GPC5: variants seen among roughly 807,000 people sequenced by gnomAD.
GPC5 encodes glypican 5.
In GPC5, 47 loss-of-function variants were observed where a neutral mutation model predicts 53.9. The ratio of observed to expected loss-of-function variants is 0.87; its 90% CI spans 0.69 to 1.11. The LOEUF (loss-of-function observed/expected upper bound fraction) is 1.11, where lower values mean the gene tolerates loss of function less well. GPC5 is among the 50% of genes most tolerant of loss of function. The probability of loss-of-function intolerance (pLI) is 0.00; values close to 1 mark genes in which losing one functional copy is unlikely to be tolerated. For synonymous variants in GPC5, 286 were observed against 263.3 expected, an observed-to-expected ratio of 1.09 and a Z score of -0.84; for missense variants, 748 against 713.1, an observed-to-expected ratio of 1.05 and a Z score of -0.56.
chr13:92,313,684 C>T (rs775809200), intron 7 of GPC5, among the ~76,000 whole-genome samples: 1 of 152,154 alleles, frequency 6.6e-6, no homozygotes, highest in Non-Finnish European at 1.5e-5. Flanking sequence ...AGCCTCCCAA[C>T]CAAAATCCCT....
intron 2 of GPC5, among the ~76,000 whole-genome samples, chr13:91,635,396 A>G (rs996990543): frequency 2.6e-5 from 4 of 152,066 alleles, no homozygotes; most frequent in African/African-American, 9.7e-5. Context: ...TCCTAGAGGT[A>G]TTTTTCAAAT....
intron 2 of GPC5, among the ~76,000 whole-genome samples, chr13:91,648,612 T>C (rs1037503772): frequency 1.3e-5 from 2 of 152,134 alleles, no homozygotes; most frequent in South Asian, 2.1e-4. Context: ...AATTAGTAAA[T>C]TTTCTATAAC....
chr13:92,553,008 T>C lies in GPC5; in HGVS notation c.1562-313274T>C, dbSNP rs531319403. 1.3e-3 allele frequency among the ~76,000 whole-genome samples: 193 copies of C among 152,096 alleles called. 1 individual carries two copies. The highest frequency in any genetic ancestry group is 4.5e-3 in the African/African-American group (188 of 41,544). On this transcript the variant is annotated intron_variant, in intron 7 of 7. Coordinates refer to ENST00000377067, the MANE Select transcript of GPC5 (RefSeq NM_004466.6). Reference sequence around the variant, plus strand: ...GACTGTTTTGATTAGACCAAATAGATACTTCCAGTCTATTTTATTCTTCTG... The same window carrying C: ...GACTGTTTTGATTAGACCAAATAGACACTTCCAGTCTATTTTATTCTTCTG...
chr13:92,733,515 C>A (rs1020121382), intron 7 of GPC5, among the ~76,000 whole-genome samples: 5 of 151,718 alleles, frequency 3.3e-5, no homozygotes, highest in Admixed American at 2.6e-4. Context: ...TGAGCTGTAA[C>A]CTTCATCCTG....
At chr13:92,341,644 C>A (rs766335917) in intron 7 of GPC5, among the ~76,000 whole-genome samples, 1 of 151,936 alleles carries the variant, frequency 6.6e-6, no homozygotes, top group Non-Finnish European at 1.5e-5. Flanking sequence ...TAATTAAAGA[C>A]TTAGCTAGGT....
intron 7 of GPC5, among the ~76,000 whole-genome samples, chr13:92,361,721 A>T (rs2043568878): frequency 1.3e-5 from 2 of 151,694 alleles, no homozygotes; most frequent in African/African-American, 4.9e-5. Flanking sequence ...CTGAGAAGAA[A>T]GAGGGTGCTG....
intron 7 of GPC5, among the ~76,000 whole-genome samples, chr13:92,702,870 G>T (rs1478130994): frequency 2.0e-5 from 3 of 151,482 alleles, no homozygotes; most frequent in Admixed American, 1.3e-4. Context: ...TGTTCATTTT[G>T]CTCCAGCACC....
intron 7 of GPC5, among the ~76,000 whole-genome samples, chr13:92,163,507 T>C (rs1566463872): frequency 6.7e-6 from 1 of 150,122 alleles, no homozygotes; most frequent in African/African-American, 2.5e-5. Context: ...AGTCACAACA[T>C]GTACAGTAAA....
intron 7 of GPC5, among the ~76,000 whole-genome samples, chr13:92,548,792 C>G (rs1444346869): frequency 6.6e-6 from 1 of 152,030 alleles, no homozygotes; most frequent in African/African-American, 2.4e-5. Context: ...TTGTTAATAT[C>G]AAGTCTGCTC....
At chr13:91,567,799 T>C (rs1566511347) in intron 2 of GPC5, among the ~76,000 whole-genome samples, 1 of 152,164 alleles carries the variant, frequency 6.6e-6, no homozygotes, top group East Asian at 1.9e-4. Flanking sequence ...TACTTAATTT[T>C]CTTTTGTTCG....
At chr13:91,412,108 C>G (rs1208285211) in intron 1 of GPC5, among the ~76,000 whole-genome samples, 2 of 152,236 alleles carry the variant, frequency 1.3e-5, no homozygotes, top group Non-Finnish European at 2.9e-5. Context: ...GGATAACACC[C>G]CATGATGATG....
At chr13:92,824,880 T>C (rs763481480) in intron 7 of GPC5, among the ~76,000 whole-genome samples, 91 of 152,124 alleles carry the variant, frequency 6.0e-4, no homozygotes, top group Non-Finnish European at 5.3e-4. Context: ...TATATTCCAA[T>C]ATATTTTCTA....
intron 5 of GPC5, among the ~76,000 whole-genome samples, chr13:91,802,761 TTAAA>T (rs1278032960): frequency 6.6e-6 from 1 of 152,126 alleles, no homozygotes; most frequent in Non-Finnish European, 1.5e-5. Context: ...TAGCATAATA[TTAAA>T]TAAAGTACCT....
At chr13:91,521,988 T>G (rs1885841640) in intron 2 of GPC5, among the ~76,000 whole-genome samples, 2 of 152,232 alleles carry the variant, frequency 1.3e-5, no homozygotes, top group Non-Finnish European at 2.9e-5. Context: ...ATAAGAATAT[T>G]ACAAAGAGTA....
chr13:92,045,735 C>T (rs116171339), intron 6 of GPC5, among the ~76,000 whole-genome samples: 2 of 151,942 alleles, frequency 1.3e-5, no homozygotes, highest in Non-Finnish European at 2.9e-5. Context: ...CAGGAGGGGC[C>T]AGGAAGTGAT....
intron 2 of GPC5, among the ~76,000 whole-genome samples, chr13:91,682,563 G>T (rs1037337914): frequency 1.3e-5 from 2 of 152,180 alleles, no homozygotes; most frequent in African/African-American, 4.8e-5. Flanking sequence ...AACCCTATCA[G>T]AATGTACAGA....
intron 7 of GPC5, among the ~76,000 whole-genome samples, chr13:92,680,196 C>T (rs1887072109): frequency 6.6e-6 from 1 of 152,170 alleles, no homozygotes; most frequent in African/African-American, 2.4e-5. Flanking sequence ...TCTGTTCATT[C>T]TCAATGTATT....
chr13:92,317,313 C>G (rs8001201), intron 7 of GPC5, among the ~76,000 whole-genome samples: 41,900 of 151,638 alleles, frequency 0.28, 6,472 homozygotes, highest in African/African-American at 0.42. Flanking sequence ...GAATGCTTTG[C>G]GGGGAAGGGT....
At chr13:91,990,509 TA>T (rs1436198760) in intron 6 of GPC5, among the ~76,000 whole-genome samples, 1 of 152,192 alleles carries the variant, frequency 6.6e-6, no homozygotes, top group African/African-American at 2.4e-5. Context: ...AAATAGGAGA[TA>T]GGTTTTCTTT....
Sources: allele counts gnomAD v4.1 joint callset (sites outside exome capture counted in the v4.1 genomes callset), GRCh38; gene constraint gnomAD v4.1.1; transcripts MANE v1.5; gene names NCBI Gene and HGNC (gene_info 2026-07-23, HGNC 2026-07-21).